FOXP1: variants seen among roughly 807,000 people sequenced by gnomAD.
The protein encoded by FOXP1 is forkhead box protein P1.
In FOXP1, 15 loss-of-function variants were observed where a neutral mutation model predicts 98.2. The observed-to-expected ratio is 0.15, with a 90% CI of 0.10 to 0.24. The LOEUF is 0.24. Ranked by LOEUF, FOXP1 falls within the 10% of genes least tolerant of loss-of-function variation. The pLI is 1.00. For missense variants in FOXP1, 633 were observed against 848.5 expected, an observed-to-expected ratio of 0.75 and a Z score of 3.15; for synonymous variants, 371 against 314.5, an observed-to-expected ratio of 1.18 and a Z score of -1.90.
intron 2 of FOXP1, chr3:71,570,423 T>C (rs1019717283): frequency 4.6e-5 from 7 of 152,184 alleles, no homozygotes; most frequent in Non-Finnish European, 8.8e-5. Flanking sequence ...CAATGCCAGT[T>C]CAAGTTCAAG....
At chr3:71,207,546 T>C (rs1055979796) in intron 5 of FOXP1, among the ~76,000 whole-genome samples, 14 of 152,168 alleles carry the variant, frequency 9.2e-5, no homozygotes, top group African/African-American at 3.4e-4. Flanking sequence ...CCCCTGAAAC[T>C]TGCTCTCACA....
chr3:71,026,360 A>T (rs2046114436), intron 11 of FOXP1, among the ~76,000 whole-genome samples: 1 of 152,222 alleles, frequency 6.6e-6, no homozygotes, highest in African/African-American at 2.4e-5. Flanking sequence ...AAAGCTCATA[A>T]AGTAGTCCTT....
chr3:71,131,718 A>G lies in FOXP1; in HGVS notation c.181-19081T>C, dbSNP rs189223292. 1.2e-3 allele frequency among the ~76,000 whole-genome samples: 185 copies of G among 152,350 alleles called. 1 individual carries two copies. Among genetic ancestry groups the G allele is most frequent in the African/African-American group, 4.3e-3 (177 of 41,584 alleles). On this transcript the variant is annotated intron_variant, in intron 6 of 20. Transcript: ENST00000649528. ...GAAAGCAAATCCAGACGCTGAAGAT[A>G]AACCGCCAGAAAATGACAGGCAGAA...
At chr3:71,232,677 T>C (rs1295572493) in intron 5 of FOXP1, among the ~76,000 whole-genome samples, 1 of 151,112 alleles carries the variant, frequency 6.6e-6, no homozygotes, top group Admixed American at 6.6e-5. Context: ...GGTGGGAGGA[T>C]CCCTTGAGTT....
chr3:71,351,470 G>T lies in FOXP1; in HGVS notation c.-73+7680C>A, dbSNP rs78045905. On this transcript the variant is annotated intron_variant, in intron 4 of 20. Coordinates refer to ENST00000649528, the MANE Select transcript of FOXP1 (RefSeq NM_001349338.3). ...GCTTATTTGTGGTCTCTTGAAACTG[G>T]CATTTATACATTTCTTCAAGCCTAA... Among the ~76,000 whole-genome samples the T allele has an allele frequency of 6.9e-3, 1,053 of 152,238 alleles. 30 individuals are homozygous for T. The highest frequency in any genetic ancestry group is 4.1e-3 in the Non-Finnish European group (277 of 68,010).
chr3:71,390,081 C>T (rs921026567), intron 3 of FOXP1, among the ~76,000 whole-genome samples: 6 of 152,108 alleles, frequency 3.9e-5, no homozygotes, highest in African/African-American at 7.2e-5. Context: ...TCGAAGGGCT[C>T]GGAGCAGCTG....
At chr3:71,265,247 A>G (rs2069524964) in intron 5 of FOXP1, among the ~76,000 whole-genome samples, 1 of 152,232 alleles carries the variant, frequency 6.6e-6, no homozygotes, top group Non-Finnish European at 1.5e-5. Context: ...GCCCCGTGTT[A>G]GCGTTGTTCT....
chr3:71,064,942 C>G (rs941118904), intron 7 of FOXP1: 6 of 270,186 alleles, frequency 2.2e-5, no homozygotes, highest in East Asian at 1.8e-4. Context: ...CAGGGGCGCT[C>G]CGGCTCGCGG....
intron 2 of FOXP1, among the ~76,000 whole-genome samples, chr3:71,534,138 CGGATG>C (rs1289860812): frequency 6.6e-6 from 1 of 152,106 alleles, no homozygotes; most frequent in African/African-American, 2.4e-5. Context: ...CCAAGGCAGG[CGGATG>C]ACCTGAGGTC....
chr3:71,043,731 T>C (rs1303034844), intron 10 of FOXP1, among the ~76,000 whole-genome samples: 1 of 152,188 alleles, frequency 6.6e-6, no homozygotes, highest in Non-Finnish European at 1.5e-5. Flanking sequence ...TAGGACAGGG[T>C]CCTAACAACT....
At chr3:71,452,760 G>A (rs2108505447) in intron 3 of FOXP1, among the ~76,000 whole-genome samples, 2 of 152,320 alleles carry the variant, frequency 1.3e-5, no homozygotes, top group Non-Finnish European at 2.9e-5. Context: ...GACAAAATCA[G>A]CTGGTGTTCC....
At chr3:70,970,939 A>G in intron 18 of FOXP1, 134 bp from the exon 19 acceptor site, 1 of 727,130 alleles carries the variant, frequency 1.4e-6, no homozygotes, top group Non-Finnish European at 2.5e-6. Flanking sequence ...AAGAAAAGTC[A>G]GGCTTTCTCC....
chr3:71,021,069 A>T (rs2107792401), intron 11 of FOXP1, among the ~76,000 whole-genome samples: 2 of 152,364 alleles, frequency 1.3e-5, no homozygotes, highest in South Asian at 4.1e-4. Context: ...TTTACATATC[A>T]TACAATTCAC....
chr3:71,441,883 G>C (rs1271876717), intron 3 of FOXP1, among the ~76,000 whole-genome samples: 1 of 152,138 alleles, frequency 6.6e-6, no homozygotes, highest in Non-Finnish European at 1.5e-5. Flanking sequence ...TGGATTCGAG[G>C]GGAAATTGGG....
chr3:71,034,778 T>A (rs1463985690), intron 11 of FOXP1, among the ~76,000 whole-genome samples: 1 of 152,032 alleles, frequency 6.6e-6, no homozygotes, highest in Non-Finnish European at 1.5e-5. Flanking sequence ...CAAGTCAAGG[T>A]CTCGTGGTAG....
At chr3:71,383,338 C>CA (rs1274590378) in intron 3 of FOXP1, among the ~76,000 whole-genome samples, 1 of 152,140 alleles carries the variant, frequency 6.6e-6, no homozygotes, top group Admixed American at 6.6e-5. Context: ...TCAAACTTTA[C>CA]AAGGAAGACT....
chr3:71,334,284 TG>T (rs911581755), intron 4 of FOXP1: 4 of 152,224 alleles, frequency 2.6e-5, no homozygotes, highest in African/African-American at 7.2e-5. Context: ...GGCACATGCC[TG>T]TAGTCCCAGC....
At chr3:71,276,243 T>C (rs1162849480) in intron 5 of FOXP1, 1 of 152,230 alleles carries the variant, frequency 6.6e-6, no homozygotes, top group African/African-American at 2.4e-5. Context: ...GTAATGATGT[T>C]TTCTGGACGA....
chr3:71,294,005 A>G (rs1340784204), intron 5 of FOXP1, among the ~76,000 whole-genome samples: 2 of 152,238 alleles, frequency 1.3e-5, no homozygotes, highest in African/African-American at 2.4e-5. Flanking sequence ...TTGCTAAGTG[A>G]AAGAATCCAG....
Sources: gnomAD v4.1 joint callset for allele counts (sites outside exome capture counted in the v4.1 genomes callset) on GRCh38, gnomAD v4.1.1 for gene constraint, MANE v1.5 for transcripts, NCBI Gene and HGNC (gene_info 2026-07-23, HGNC 2026-07-21) for gene names.